The following CEP131 variants were observed in gnomAD, a reference collection of about 807,000 sequenced individuals.
CEP131 encodes the protein centrosomal protein of 131 kDa.
A neutral mutation model predicts 136.8 loss-of-function variants in CEP131; 99 were observed. The observed-to-expected ratio is 0.72, with a 90% CI of 0.62 to 0.86. The LOEUF (loss-of-function observed/expected upper bound fraction) is 0.86, where lower values mean the gene tolerates loss of function less well. CEP131 is among the 40% of genes least tolerant of loss of function. CEP131 has a pLI of 0.00. For missense variants in CEP131, 1,459 were observed against 1,463.0 expected (o/e 1.00, Z 0.04); for synonymous variants, 646 against 612.7 (o/e 1.05, Z -0.80).
rs374817102 is a variant in CEP131, at chr17:81,219,832, C to T, written c.177+48G>A. ...CAGGGGTCAGATGCCAACTGAACAA[C>T]AGCCCTCCAGGAGGCAGGGGCCCGG... On this transcript the variant is annotated intron_variant, in intron 2 of 25. Coordinates refer to ENST00000450824, the MANE Select transcript of CEP131 (RefSeq NM_014984.4). This position sits in a 1 kb window ranked among gnomAD's most constrained non-coding sequence, Gnocchi z 4.0. 8.0e-6 allele frequency: 12 copies of T among 1,492,186 alleles called. No homozygotes were observed. The African/African-American group carries it at 1.4e-4, about 18-fold the overall frequency. 92.4% of individuals were successfully genotyped at this position (1,492,186 alleles called of 1,614,324 possible).
At position 81,191,050 on chromosome 17, in the gene CEP131, G is replaced by A. The variant is rs2061629062; in HGVS notation, c.2800C>T (p.Leu934Phe). 1 of 1,609,182 alleles carries A rather than the reference G, an allele frequency of 6.2e-7. No individual in the cohort carries two copies. Among genetic ancestry groups the A allele is most frequent in the South Asian group, 1.1e-5 (1 of 90,926 alleles). The change falls in exon 23 of 26, where the codon CTC (leucine) becomes TTC (phenylalanine). Residue 934 changes from leucine to phenylalanine, a missense_variant. Physicochemically the swap from Leu to Phe is conservative, Grantham distance 22. This residue lies in a region of CEP131 where 1,026 missense variants were observed against 964.2 expected (regional missense o/e 1.06). Coordinates refer to ENST00000450824, the MANE Select transcript of CEP131 (RefSeq NM_014984.4). ...CGCTCCGACTGCTCCAGCTCGGAGAGCTCGGCCTCGTACTTGTCCCGTAAG... is the reference window on the plus strand; with the variant it reads ...CGCTCCGACTGCTCCAGCTCGGAGAACTCGGCCTCGTACTTGTCCCGTAAG... ...KRLRDKYEAE[L>F]SELEQSERKL...
In CEP131 at chr17:81,191,339, G is replaced by A. The variant is rs367844201; in HGVS notation, c.2623-4C>T. On this transcript the variant is annotated splice_polypyrimidine_tract_variant and splice_region_variant and intron_variant, in intron 21 of 25. Coordinates refer to ENST00000450824, the MANE Select transcript of CEP131 (RefSeq NM_014984.4). The stretch of plus-strand genomic sequence containing the variant: ...CCCGGTTCAGCAGCCACGCCTCCTG[G>A]GGGGACATGCGCTGCCTGGGGGTTG... The A allele has an allele frequency of 6.2e-7, 1 of 1,612,566 alleles. No individual in the cohort carries two copies. Among genetic ancestry groups the A allele is most frequent in the East Asian group, 2.2e-5 (1 of 44,860 alleles).
At chr17:81,200,636 C>T (rs986844959) in intron 7 of CEP131, among the ~76,000 whole-genome samples, 190 bp from the exon 8 acceptor site, 5 of 152,242 alleles carry the variant, frequency 3.3e-5, no homozygotes, top group Non-Finnish European at 2.9e-5. Context: ...GGACCAGCTC[C>T]ACTAAAACCC....
chr17:81,213,464 T>C (rs1388771197), intron 2 of CEP131, among the ~76,000 whole-genome samples: 1 of 151,234 alleles, frequency 6.6e-6, no homozygotes, highest in Non-Finnish European at 1.5e-5. Flanking sequence ...GAGGCTGAGA[T>C]AGGAAAATCG....
chr17:81,192,403 G>A lies in CEP131; in HGVS notation c.2548-11C>T, dbSNP rs1409536098. ...GGTATTCAGCTCCATCTGGGGGGCGGACATAAGAGGCCAGTCAGTCCCACC... is the reference window on the plus strand; with the variant it reads ...GGTATTCAGCTCCATCTGGGGGGCGAACATAAGAGGCCAGTCAGTCCCACC... On this transcript the variant is annotated splice_polypyrimidine_tract_variant and intron_variant, in intron 20 of 25. Coordinates refer to ENST00000450824, the MANE Select transcript of CEP131 (RefSeq NM_014984.4). The A allele has an allele frequency of 6.2e-7, 1 of 1,610,428 alleles. No individual in the cohort carries two copies. The highest frequency in any genetic ancestry group is 1.1e-5 in the South Asian group (1 of 90,678).
intron 3 of CEP131, among the ~76,000 whole-genome samples, chr17:81,207,486 G>A (rs1422989761): frequency 7.8e-5 from 2 of 25,710 alleles, no homozygotes; most frequent in African/African-American, 1.3e-4. Flanking sequence ...CTGGGGACAA[G>A]GGCCTTATTT....
At position 81,192,330 on chromosome 17, in the gene CEP131, G is replaced by A; in HGVS notation, c.2610C>T (p.Arg870=). The A allele has an allele frequency of 3.2e-6, 5 of 1,558,386 alleles. No individual in the cohort carries two copies. Among genetic ancestry groups the A allele is most frequent in the Admixed American group, 1.9e-5 (1 of 52,010 alleles). ...ELERQAWEAG[R]TRKEEAWLLN... is the part of the protein sequence containing the mutation. Reference sequence around the variant, plus strand: ...CCCAGGCCCCCACCTCCTTCCTGGTGCGGCCGGCCTCCCACGCCTGCCTCT... The same window carrying A: ...CCCAGGCCCCCACCTCCTTCCTGGTACGGCCGGCCTCCCACGCCTGCCTCT... Residue 870 remains arginine, a synonymous_variant, in exon 21 of 26, where the codon CGC becomes CGT. Coordinates refer to ENST00000450824, the MANE Select transcript of CEP131 (RefSeq NM_014984.4).
intron 2 of CEP131, among the ~76,000 whole-genome samples, chr17:81,217,528 G>A (rs913610499): frequency 1.3e-5 from 2 of 152,130 alleles, no homozygotes; most frequent in East Asian, 1.9e-4. Context: ...GCAGGTGGCC[G>A]AGAGGATGGG....
At position 81,204,335 on chromosome 17, in the gene CEP131, C is replaced by G. The variant is rs1395315519; in HGVS notation, c.516-728G>C. Among the ~76,000 whole-genome samples the G allele has an allele frequency of 7.2e-5, 11 of 152,160 alleles. No individual in the cohort carries two copies. In the South Asian group the frequency reaches 8.3e-4, roughly 11 times the overall value. On this transcript the variant is annotated intron_variant, in intron 5 of 25. Coordinates refer to ENST00000450824, the MANE Select transcript of CEP131 (RefSeq NM_014984.4). ...GCAGGTGGGGCAGAGATGGGTGATT[C>G]ACCCAGGACAGCCACCGCCACCCCT...
Position 81,197,638 on chromosome 17 carries a change from C to T in CEP131, c.1647+74G>A, listed in dbSNP as rs2061792248. On this transcript the variant is annotated intron_variant, in intron 13 of 25. Transcript: ENST00000450824. ...GTGCGGGCTGGTGAGGGGCCTCCTC[C>T]CCCGAGGGCCAGGTGCAGGCTCGTG... 19 of 1,510,008 alleles carry T rather than the reference C, an allele frequency of 1.3e-5. No individual in the cohort carries two copies. In the South Asian group the frequency reaches 2.3e-4, roughly 18 times the overall value. The allele number at this position is 1,510,008 out of a possible 1,614,324, so 93.5% of individuals were successfully genotyped here. A position where few individuals can be genotyped will look rare whatever the true frequency, so the allele number is the denominator to read the frequency against.
intron 1 of CEP131, among the ~76,000 whole-genome samples, chr17:81,220,776 C>T (rs528551837): frequency 1.3e-5 from 2 of 151,506 alleles, no homozygotes; most frequent in East Asian, 2.0e-4. Flanking sequence ...GCTGGGATTA[C>T]AGGCATGAGC....
chr17:81,207,283 C>T (rs1164750150), intron 3 of CEP131, 44 bp from the exon 4 acceptor site: 35 of 1,584,332 alleles, frequency 2.2e-5, no homozygotes, highest in South Asian at 6.7e-5. Flanking sequence ...AGTCACCAGC[C>T]GGGAAGCCGA....
intron 22 of CEP131, 24 bp from the exon 23 acceptor site, chr17:81,191,108 T>C: frequency 6.3e-7 from 1 of 1,599,566 alleles, no homozygotes; most frequent in African/African-American, 1.3e-5. Flanking sequence ...GAGGGCAGGG[T>C]CACTCCAGCC....
intron 2 of CEP131, among the ~76,000 whole-genome samples, chr17:81,213,009 T>C (rs992052654): frequency 2.0e-5 from 3 of 152,164 alleles, no homozygotes; most frequent in Non-Finnish European, 4.4e-5. Flanking sequence ...CCGGGGCTTC[T>C]TGAAGAAATG....
In CEP131 at chr17:81,192,731, G is replaced by T. The variant is rs764845010; in HGVS notation, c.2429+5C>A. On this transcript the variant is annotated splice_donor_5th_base_variant and intron_variant, in intron 19 of 25. Coordinates refer to ENST00000450824, the MANE Select transcript of CEP131 (RefSeq NM_014984.4). The stretch of plus-strand genomic sequence containing the variant: ...GGGAGAGGGCGTGGTGCCCCCGGGC[G>T]GCACCTGGCTGCCTGCTGGCCCAGC... 1.3e-6 allele frequency: 2 copies of T among 1,556,542 alleles called. No individual in the cohort carries two copies. Among genetic ancestry groups the T allele is most frequent in the Non-Finnish European group, 1.7e-6 (2 of 1,144,564 alleles).
chr17:81,195,580 C>A (rs140107063), intron 16 of CEP131, among the ~76,000 whole-genome samples: 3 of 152,156 alleles, frequency 2.0e-5, no homozygotes, highest in Admixed American at 1.3e-4. Flanking sequence ...GTGCTGTGGC[C>A]GGGCAGGGAC....
rs957468640 is a variant in CEP131, at chr17:81,219,578, G to C, written c.177+302C>G. Among the ~76,000 whole-genome samples the C allele has an allele frequency of 6.6e-6, 1 of 152,008 alleles. No individual in the cohort carries two copies. The highest frequency in any genetic ancestry group is 1.5e-5 in the Non-Finnish European group (1 of 68,000). ...CTCCCAAAGTGCTGAGATTACAGGC[G>C]TGAGCCACCGAGCCCAGCCAACCCC... On this transcript the variant is annotated intron_variant, in intron 2 of 25. Transcript: ENST00000450824. The surrounding 1 kb of genome is among the most constrained non-coding windows in gnomAD (Gnocchi z 4.0).
chr17:81,222,704 G>A (rs1475555516), intron 1 of CEP131, 65 bp downstream of exon 1: 4 of 152,394 alleles, frequency 2.6e-5, no homozygotes, highest in South Asian at 4.1e-4. Flanking sequence ...CCACCTGCGC[G>A]GGCTCCGGAC....
At chr17:81,221,265 CGATCGAGGG>C (rs1280051296) in intron 1 of CEP131, among the ~76,000 whole-genome samples, 2 of 151,914 alleles carry the variant, frequency 1.3e-5, no homozygotes, top group Non-Finnish European at 2.9e-5. Context: ...TTCTGACGAT[CGATCGAGGG>C]GATTAGCTTG....
Sources: allele counts gnomAD v4.1 joint callset (sites outside exome capture counted in the v4.1 genomes callset), GRCh38; gene constraint gnomAD v4.1.1; regional missense constraint gnomAD v4.1.1; non-coding constraint Gnocchi (gnomAD v3.1); transcripts MANE v1.5; gene names NCBI Gene and HGNC (gene_info 2026-07-23, HGNC 2026-07-21).